SASH1: variants seen among roughly 807,000 people sequenced by gnomAD.
SASH1 encodes the protein SAM and SH3 domain containing 1, also known as SAM and SH3 domain-containing protein 1.
Under a neutral mutation model 125.2 loss-of-function variants are expected in SASH1, and 44 were observed. The ratio of observed to expected loss-of-function variants is 0.35; its 90% CI spans 0.28 to 0.45. The LOEUF (loss-of-function observed/expected upper bound fraction) is 0.45, where lower values mean the gene tolerates loss of function less well. Ranked by LOEUF, SASH1 falls within the 20% of genes least tolerant of loss-of-function variation. The pLI is 1.00. For synonymous variants in SASH1, 639 were observed against 649.1 expected, an observed-to-expected ratio of 0.98 and a Z score of 0.24; for missense variants, 1,426 against 1,614.5, an observed-to-expected ratio of 0.88 and a Z score of 2.00.
At chr6:148,383,438 A>G (rs545999989) in intron 1 of SASH1, among the ~76,000 whole-genome samples, 2 of 152,316 alleles carry the variant, frequency 1.3e-5, no homozygotes, top group Admixed American at 1.3e-4. Context: ...AAGGACGGAA[A>G]AGGTAAAGAA....
At chr6:148,430,252 C>G (rs1446839888) in intron 2 of SASH1, among the ~76,000 whole-genome samples, 2 of 152,226 alleles carry the variant, frequency 1.3e-5, no homozygotes, top group Non-Finnish European at 2.9e-5. Flanking sequence ...GGTTTATGAT[C>G]AGGCTATTTG....
intron 19 of SASH1, among the ~76,000 whole-genome samples, chr6:148,547,428 T>C (rs1782637664): frequency 6.6e-6 from 1 of 152,188 alleles, no homozygotes; most frequent in Admixed American, 6.5e-5. Context: ...TGTTTATTTC[T>C]GGAAATTCCC....
At chr6:148,267,013 A>G in the SASH1 span, among the ~76,000 whole-genome samples, 1 of 152,158 alleles carries the variant, frequency 6.6e-6, no homozygotes, top group African/African-American at 2.4e-5. Flanking sequence ...ACACCTCAGC[A>G]GTTCCAGAAT....
At chr6:148,271,190 G>GTATCCCTGGGCGGA (rs1411948932), upstream of SASH1, among the ~76,000 whole-genome samples, 2 of 152,110 alleles carry the variant, frequency 1.3e-5, no homozygotes, top group Non-Finnish European at 1.5e-5. Flanking sequence ...GATTACAGGT[G>GTATCCCTGGGCGGA]TGAGCCACCG....
the SASH1 span, among the ~76,000 whole-genome samples, chr6:148,228,721 A>G: frequency 6.6e-6 from 1 of 152,224 alleles, no homozygotes; most frequent in Admixed American, 6.5e-5. Context: ...CTTTTTCTCC[A>G]TAAAAACATT....
At chr6:148,531,404 T>C in intron 12 of SASH1, 122 bp from the exon 13 acceptor site, 1 of 818,580 alleles carries the variant, frequency 1.2e-6, no homozygotes. Context: ...ATATTGGTTA[T>C]AGAATCAAAT....
chr6:148,195,915 A>T, the SASH1 span, among the ~76,000 whole-genome samples: 69 of 152,282 alleles, frequency 4.5e-4, no homozygotes, highest in African/African-American at 1.5e-3. Flanking sequence ...TAATTAATGC[A>T]CCCAACCTCT....
chr6:148,533,975 C>A lies in SASH1; in HGVS notation c.1939C>A (p.Leu647Ile). 6.2e-7 allele frequency: 1 copy of A among 1,613,684 alleles called. No homozygotes were observed. The highest frequency in any genetic ancestry group is 1.1e-5 in the South Asian group (1 of 91,046). ...SVEDLLDRIN[L>I]KEHMPTFLFN... ...GGAGGATCTCCTGGATCGGATTAAC[C>A]TAAAAGTCAGTCGCTTCTGATTCTT... The change falls in exon 15 of 20, where the codon CTA becomes ATA. Residue 647 changes from leucine to isoleucine, a missense_variant. This residue lies in a region of SASH1 where 225 missense variants were observed against 344.5 expected (regional missense o/e 0.65). Coordinates refer to ENST00000367467, the MANE Select transcript of SASH1 (RefSeq NM_015278.5). This position sits in a 1 kb window ranked among gnomAD's most constrained non-coding sequence, Gnocchi z 6.2.
intron 2 of SASH1, among the ~76,000 whole-genome samples, chr6:148,436,483 C>T (rs1776294872): frequency 6.6e-6 from 1 of 151,062 alleles, no homozygotes; most frequent in African/African-American, 2.4e-5. Context: ...CCAGCCTGGG[C>T]AACAGAATGA....
chr6:148,470,113 T>C (rs1156894347), intron 5 of SASH1, among the ~76,000 whole-genome samples: 1 of 152,052 alleles, frequency 6.6e-6, no homozygotes, highest in East Asian at 1.9e-4. Context: ...AAGATTGAGT[T>C]AATAATAACT....
chr6:148,383,138 G>C (rs773747658), intron 1 of SASH1, among the ~76,000 whole-genome samples: 12 of 152,154 alleles, frequency 7.9e-5, no homozygotes, highest in Admixed American at 5.9e-4. Flanking sequence ...CAATGAGGCC[G>C]AACAAGAAAA....
chr6:148,206,792 A>AGCGC, the SASH1 span, among the ~76,000 whole-genome samples: 18 of 74,104 alleles, frequency 2.4e-4, no homozygotes, highest in African/African-American at 1.3e-3. Context: ...TCCATCTCAA[A>AGCGC]GCACACACAC....
intron 2 of SASH1, among the ~76,000 whole-genome samples, chr6:148,405,042 G>C (rs533715136): frequency 1.3e-5 from 2 of 152,040 alleles, no homozygotes; most frequent in South Asian, 4.2e-4. Flanking sequence ...CTGCTCACAG[G>C]GCGGCTTGAC....
At chr6:148,203,569 G>A in the SASH1 span, among the ~76,000 whole-genome samples, 2 of 152,128 alleles carry the variant, frequency 1.3e-5, no homozygotes, top group Non-Finnish European at 2.9e-5. Context: ...TCTCCCAGGA[G>A]AAAAAACACT....
At chr6:148,203,704 G>A in the SASH1 span, among the ~76,000 whole-genome samples, 1 of 152,218 alleles carries the variant, frequency 6.6e-6, no homozygotes, top group African/African-American at 2.4e-5. Flanking sequence ...CTGCTGCAGA[G>A]CACGAGGATG....
At position 148,529,224 on chromosome 6, in the gene SASH1, G is replaced by A. The variant is rs1781370408; in HGVS notation, c.1428+1628G>A. Among the ~76,000 whole-genome samples the A allele has an allele frequency of 1.3e-5, 2 of 152,160 alleles. No individual in the cohort carries two copies. Among genetic ancestry groups the A allele is most frequent in the Admixed American group, 1.3e-4 (2 of 15,276 alleles). On this transcript the variant is annotated intron_variant, in intron 12 of 19. Coordinates refer to ENST00000367467, the MANE Select transcript of SASH1 (RefSeq NM_015278.5). The surrounding 1 kb of genome is among the most constrained non-coding windows in gnomAD (Gnocchi z 4.2). ...GTCCGTGGCCCGGGAGTTGGAGAATGCTGATCTAGAGGATAGAGGCCAGGG... is the reference window on the plus strand; with the variant it reads ...GTCCGTGGCCCGGGAGTTGGAGAATACTGATCTAGAGGATAGAGGCCAGGG...
chr6:148,424,024 AT>A (rs1055287647), intron 2 of SASH1, among the ~76,000 whole-genome samples: 1 of 151,588 alleles, frequency 6.6e-6, no homozygotes, highest in Non-Finnish European at 1.5e-5. Context: ...AAAAAAAAAA[AT>A]CCCCATCCCA....
chr6:148,396,393 G>T (rs748523065), intron 2 of SASH1, among the ~76,000 whole-genome samples: 36 of 147,848 alleles, frequency 2.4e-4, no homozygotes, highest in Admixed American at 9.8e-4. Context: ...AAGGAGAATC[G>T]CTTGAACCCA....
intron 1 of SASH1, among the ~76,000 whole-genome samples, chr6:148,322,934 T>TCTCTTTTCTTTTCCTTCCTTC (rs1780686911): frequency 2.3e-5 from 3 of 129,510 alleles, no homozygotes; most frequent in Admixed American, 8.1e-5. Flanking sequence ...TCTCTCTTTC[T>TCTCTTTTCTTTTCCTTCCTTC]TTTCCTTCCT....
Sources: gnomAD v4.1 joint callset for allele counts (sites outside exome capture counted in the v4.1 genomes callset) on GRCh38, gnomAD v4.1.1 for gene constraint, gnomAD v4.1.1 regional missense constraint, Gnocchi (gnomAD v3.1) non-coding constraint, MANE v1.5 for transcripts, NCBI Gene and HGNC (gene_info 2026-07-23, HGNC 2026-07-21) for gene names.